The following CATSPERD variants were observed in gnomAD, a reference collection of about 807,000 sequenced individuals.
CATSPERD encodes cation channel sperm-associated auxiliary subunit delta.
A neutral mutation model predicts 98.1 loss-of-function variants in CATSPERD; 86 were observed. The observed-to-expected ratio is 0.88, with a 90% CI of 0.74 to 1.05. The LOEUF (loss-of-function observed/expected upper bound fraction) is 1.05. Among genes scored for constraint, CATSPERD ranks in the 50% least tolerant of loss-of-function variants. CATSPERD has a pLI of 0.00. For synonymous variants in CATSPERD, 394 were observed against 390.2 expected (o/e 1.01, Z -0.12); for missense variants, 995 against 1,005.7 (o/e 0.99, Z 0.14).
chr19:5,737,643 G>A (rs1248617198), intron 6 of CATSPERD, among the ~76,000 whole-genome samples: 1 of 151,398 alleles, frequency 6.6e-6, no homozygotes, highest in African/African-American at 2.4e-5. Flanking sequence ...GAGGCCAGGA[G>A]CTCGAGACCA....
At chr19:5,759,025 A>T in intron 14 of CATSPERD, 61 bp from the exon 15 acceptor site, 1 of 1,477,692 alleles carries the variant, frequency 6.8e-7, no homozygotes, top group Non-Finnish European at 9.4e-7. Flanking sequence ...CAATGTCCTG[A>T]GTTGGGGATG....
chr19:5,771,673 C>T (rs1292684791), intron 19 of CATSPERD, among the ~76,000 whole-genome samples: 4 of 151,614 alleles, frequency 2.6e-5, no homozygotes, highest in South Asian at 2.1e-4. Context: ...AGGGTTCAAG[C>T]GATTCTCCTG....
chr19:5,749,159 C>T lies in CATSPERD; in HGVS notation c.963C>T (p.Gly321=). The T allele has an allele frequency of 1.2e-6, 2 of 1,612,396 alleles. No individual in the cohort carries two copies. The highest frequency in any genetic ancestry group is 8.5e-7 in the Non-Finnish European group (1 of 1,179,126). Residue 321 remains glycine (G), a synonymous_variant, in exon 11 of 22, where the codon GGC becomes GGT. Transcript: ENST00000381624. The part of the protein sequence containing the change: ...REDNLYYGNL[G]IVPSSIIKFA... ...ATAATTTGTATTATGGCAATCTGGGCATCGTGCCAAGTTCCATAATCAAAG... is the reference window on the plus strand; with the variant it reads ...ATAATTTGTATTATGGCAATCTGGGTATCGTGCCAAGTTCCATAATCAAAG...
chr19:5,775,667 A>AAT (rs2056729605), intron 20 of CATSPERD, among the ~76,000 whole-genome samples: 1 of 148,024 alleles, frequency 6.8e-6, no homozygotes, highest in Non-Finnish European at 1.5e-5. Flanking sequence ...AAAAAAAAAA[A>AAT]GAAAGAAAAG....
At position 5,720,836 on chromosome 19, in the gene CATSPERD, G is replaced by A. The variant is rs576440536; in HGVS notation, c.71+28G>A. 1.9e-4 allele frequency: 306 copies of A among 1,580,496 alleles called. 3 individuals carry two copies. In the South Asian group the frequency reaches 2.1e-3, roughly 11 times the overall value. On this transcript the variant is annotated intron_variant, in intron 1 of 21. Coordinates refer to ENST00000381624, the MANE Select transcript of CATSPERD (RefSeq NM_152784.4). ...GGGGCTGCCAGGACTCCTGGGGCTG[G>A]GGTGCTGCCGGGGGTCGGGAGGGTG...
At chr19:5,742,581 A>G (rs1032632659) in intron 7 of CATSPERD, among the ~76,000 whole-genome samples, 4 of 152,102 alleles carry the variant, frequency 2.6e-5, no homozygotes, top group African/African-American at 4.8e-5. Flanking sequence ...CAGGAGTTCA[A>G]GACCAGCCTG....
intron 13 of CATSPERD, among the ~76,000 whole-genome samples, chr19:5,756,710 C>T (rs376817631): frequency 1.3e-5 from 2 of 151,958 alleles, no homozygotes; most frequent in Non-Finnish European, 2.9e-5. Context: ...TTTGGGAGGC[C>T]GAGGTGGGGG....
rs1358445341 is a variant in CATSPERD at position 5,763,369 on chromosome 19, C to T, written c.1506+76C>T. ...CTCATGGAAGCTGGCCCTGAGGTTG[C>T]AATGAGCTGAGATAGTGCCACTGCA... On this transcript the variant is annotated intron_variant, in intron 16 of 21. Coordinates refer to ENST00000381624, the MANE Select transcript of CATSPERD (RefSeq NM_152784.4). The T allele has an allele frequency of 4.9e-6, 6 of 1,227,852 alleles. No individual in the cohort carries two copies. The Admixed American group carries it at 6.9e-5, about 14-fold the overall frequency. The allele number at this position is 1,227,852 out of a possible 1,614,324, so 76.1% of individuals were successfully genotyped here.
chr19:5,771,761 G>A (rs191353032), intron 19 of CATSPERD, among the ~76,000 whole-genome samples: 3 of 148,408 alleles, frequency 2.0e-5, no homozygotes, highest in Admixed American at 1.3e-4. Context: ...AGTAGAGATG[G>A]GGTTTTACCA....
At chr19:5,723,311 C>T (rs1455193076) in intron 1 of CATSPERD, among the ~76,000 whole-genome samples, 1 of 151,712 alleles carries the variant, frequency 6.6e-6, no homozygotes, top group Non-Finnish European at 1.5e-5. Context: ...TTGACGGAGG[C>T]TTGCTCTGTC....
At chr19:5,773,006 C>A (rs1238148342) in intron 20 of CATSPERD, 41 bp downstream of exon 20, 1 of 1,597,320 alleles carries the variant, frequency 6.3e-7, no homozygotes, top group Admixed American at 1.7e-5. Context: ...AATCAGCAGC[C>A]CACCAGGGGG....
At chr19:5,723,787 T>TG (rs1269768540) in intron 1 of CATSPERD, among the ~76,000 whole-genome samples, 15 of 150,338 alleles carry the variant, frequency 1.0e-4, no homozygotes, top group South Asian at 6.4e-4. Flanking sequence ...TTTTTGTTTT[T>TG]TTTTTTGAGA....
At chr19:5,728,723 G>A (rs2055658589) in intron 3 of CATSPERD, among the ~76,000 whole-genome samples, 1 of 143,066 alleles carries the variant, frequency 7.0e-6, no homozygotes, top group Non-Finnish European at 1.5e-5. Flanking sequence ...TTTTGAGACA[G>A]AGTCTTGTTC....
chr19:5,734,231 G>A (rs986678147), intron 5 of CATSPERD, among the ~76,000 whole-genome samples: 1 of 152,214 alleles, frequency 6.6e-6, no homozygotes, highest in Non-Finnish European at 1.5e-5. Flanking sequence ...GGCCGGGTGC[G>A]CTGGCTCACG....
chr19:5,766,081 T>C (rs2056532907), intron 16 of CATSPERD, 22 bp from the exon 17 acceptor site: 2 of 1,607,754 alleles, frequency 1.2e-6, no homozygotes, highest in African/African-American at 1.3e-5. Flanking sequence ...TGGGTCCATA[T>C]TTCTGTCTCT....
chr19:5,742,260 G>A lies in CATSPERD; in HGVS notation c.574-2167G>A, dbSNP rs528265434. On this transcript the variant is annotated intron_variant, in intron 7 of 21. Coordinates refer to ENST00000381624, the MANE Select transcript of CATSPERD (RefSeq NM_152784.4). ...TGTACGTATGTGAATGTGTGTGGGT[G>A]TGCGTGTGCATGTGTGTACGTGTGT... 5.3e-5 allele frequency among the ~76,000 whole-genome samples: 8 copies of A among 151,004 alleles called. No individual in the cohort carries two copies. The South Asian group carries it at 8.4e-4, about 16-fold the overall frequency.
intron 5 of CATSPERD, among the ~76,000 whole-genome samples, chr19:5,734,726 C>T (rs1482116224): frequency 6.6e-6 from 1 of 151,606 alleles, no homozygotes; most frequent in Non-Finnish European, 1.5e-5. Flanking sequence ...CCCTTGAGCC[C>T]AGGAAGTGGA....
intron 5 of CATSPERD, among the ~76,000 whole-genome samples, chr19:5,736,206 C>T (rs983101986): frequency 2.6e-5 from 4 of 152,022 alleles, no homozygotes; most frequent in African/African-American, 9.7e-5. Flanking sequence ...ACCACCGAGT[C>T]GGGCCAACTG....
intron 1 of CATSPERD, among the ~76,000 whole-genome samples, chr19:5,722,632 T>C (rs2055514328): frequency 6.6e-6 from 1 of 151,950 alleles, no homozygotes; most frequent in Non-Finnish European, 1.5e-5. Context: ...AGCATCAAGA[T>C]CACCTGGAAT....
Sources: allele counts gnomAD v4.1 joint callset (sites outside exome capture counted in the v4.1 genomes callset), GRCh38; gene constraint gnomAD v4.1.1; transcripts MANE v1.5; gene names NCBI Gene and HGNC (gene_info 2026-07-23, HGNC 2026-07-21).